The following HAL variants were observed in gnomAD, a reference collection of about 807,000 sequenced individuals.
The protein encoded by HAL is histidase.
A neutral mutation model predicts 81.1 loss-of-function variants in HAL; 85 were observed. The ratio of observed to expected loss-of-function variants is 1.05; its 90% CI spans 0.88 to 1.25. The LOEUF (loss-of-function observed/expected upper bound fraction) is 1.25. Ranked by LOEUF, HAL falls within the 50% of genes most tolerant of loss-of-function variation. The probability of loss-of-function intolerance (pLI) is 0.00; values close to 1 mark genes in which losing one functional copy is unlikely to be tolerated. For synonymous variants in HAL, 301 were observed against 309.2 expected (o/e 0.97, Z 0.28); for missense variants, 798 against 836.6 (o/e 0.95, Z 0.57).
Position 95,992,803 on chromosome 12 carries a change from C to CACCT in HAL, c.590-2_591dup (p.Val198ArgfsTer9). The CACCT allele has an allele frequency of 6.2e-7, 1 of 1,612,914 alleles. No homozygotes were observed. Among genetic ancestry groups the CACCT allele is most frequent in the Non-Finnish European group, 8.5e-7 (1 of 1,178,978 alleles). The stretch of plus-strand genomic sequence containing the variant: ...CTCTCAGGACTTAGTGGTTTCCCAA[C>CACCT]ACCTGCAAAACAGAATTGATGTTTT... On this transcript the variant is annotated frameshift_variant and splice_region_variant, in exon 9 of 21. Transcript: ENST00000261208. LOFTEE classifies it high-confidence loss of function.
At chr12:95,986,751 TC>T (rs1453289388) in intron 12 of HAL, among the ~76,000 whole-genome samples, 1 of 152,044 alleles carries the variant, frequency 6.6e-6, no homozygotes, top group African/African-American at 2.4e-5. Context: ...CTAATCCTAC[TC>T]CTTTTTACAG....
Position 95,972,823 on chromosome 12 carries a change from C to G in HAL, c.*1409G>C, listed in dbSNP as rs141219113. On this transcript the variant is annotated 3_prime_UTR_variant, in exon 21 of 21. Coordinates refer to ENST00000261208, the MANE Select transcript of HAL (RefSeq NM_002108.4). ...GAATCCAGCATTCCCCAAACTGGAG[C>G]GAAGAGCACCATGAGACCACTGGGG... The G allele has an allele frequency of 6.6e-6, 1 of 152,172 alleles. No individual in the cohort carries two copies. The highest frequency in any genetic ancestry group is 1.5e-5 in the Non-Finnish European group (1 of 68,026). 9.4% of individuals were successfully genotyped at this position (152,172 alleles called of 1,614,324 possible).
At chr12:95,991,244 C>T (rs1170524474) in intron 9 of HAL, among the ~76,000 whole-genome samples, 1 of 145,982 alleles carries the variant, frequency 6.9e-6, no homozygotes, top group Admixed American at 6.7e-5. Flanking sequence ...CAGGAACTAG[C>T]TGTTTTTTTT....
intron 10 of HAL, 91 bp from the exon 11 acceptor site, chr12:95,988,331 G>C (rs1222352404): frequency 1.3e-6 from 1 of 767,776 alleles, no homozygotes; most frequent in African/African-American, 1.7e-5. Flanking sequence ...AGCTCTTTAT[G>C]CCCAAAAGTC....
intron 15 of HAL, among the ~76,000 whole-genome samples, chr12:95,983,175 G>T (rs576427113): frequency 2.0e-5 from 3 of 152,168 alleles, no homozygotes; most frequent in Non-Finnish European, 4.4e-5. Context: ...ATCACTTGAG[G>T]TCAGGAGTTT....
At chr12:95,991,870 T>G (rs1949974676) in intron 9 of HAL, among the ~76,000 whole-genome samples, 1 of 152,210 alleles carries the variant, frequency 6.6e-6, no homozygotes, top group Admixed American at 6.5e-5. Flanking sequence ...GTATATACAA[T>G]AGACTGCTCA....
At chr12:95,981,993 A>C (rs566662484) in intron 15 of HAL, among the ~76,000 whole-genome samples, 1 of 152,334 alleles carries the variant, frequency 6.6e-6, no homozygotes, top group East Asian at 1.9e-4. Context: ...TCTGTTCTGC[A>C]TGTGTAACTG....
rs199973536 is a variant in HAL, at chr12:95,995,024, A to G, written c.248-31T>C. Reference sequence around the variant, plus strand: ...ACAATGCACGGGAGACTCGTTACAGATCACATTGTACAGCCATGTTCCCCC... The same window carrying G: ...ACAATGCACGGGAGACTCGTTACAGGTCACATTGTACAGCCATGTTCCCCC... On this transcript the variant is annotated intron_variant, in intron 2 of 20. Transcript: ENST00000261208. The G allele has an allele frequency of 2.9e-3, 4,389 of 1,514,764 alleles. 26 individuals are homozygous for G. Among genetic ancestry groups the G allele is most frequent in the South Asian group, 0.014 (1,230 of 89,026 alleles). 93.8% of individuals were successfully genotyped at this position (1,514,764 alleles called of 1,614,324 possible).
chr12:95,986,940 A>T, intron 12 of HAL, 127 bp downstream of exon 12: 1 of 807,154 alleles, frequency 1.2e-6, no homozygotes, highest in Non-Finnish European at 2.2e-6. Flanking sequence ...TGGGTACGCC[A>T]CAGGCACTTG....
chr12:95,986,384 C>T (rs995322091), intron 12 of HAL, among the ~76,000 whole-genome samples: 23 of 152,126 alleles, frequency 1.5e-4, no homozygotes, highest in Non-Finnish European at 2.6e-4. Context: ...GGACCATCTA[C>T]GGTGCTGACA....
intron 17 of HAL, among the ~76,000 whole-genome samples, chr12:95,978,307 T>C (rs2080749038): frequency 6.6e-6 from 1 of 151,868 alleles, no homozygotes; most frequent in Non-Finnish European, 1.5e-5. Flanking sequence ...AAGACGGAGA[T>C]GGGAGAACTG....
chr12:95,995,285 T>C, intron 2 of HAL: 1 of 570,436 alleles, frequency 1.8e-6, no homozygotes, highest in South Asian at 2.0e-5. Flanking sequence ...GATGCTATGC[T>C]GCCGGCCTCC....
At chr12:95,981,522 C>T (rs1372890003) in intron 15 of HAL, among the ~76,000 whole-genome samples, 1 of 152,134 alleles carries the variant, frequency 6.6e-6, no homozygotes, top group African/African-American at 2.4e-5. Context: ...GCAGGGGCGC[C>T]ATCTCGGCTC....
Position 95,992,786 on chromosome 12 carries a change from A to T in HAL, c.609T>A (p.Ser203Arg). The T allele has an allele frequency of 6.2e-7, 1 of 1,613,142 alleles. No homozygotes were observed. Among genetic ancestry groups the T allele is most frequent in the Non-Finnish European group, 8.5e-7 (1 of 1,179,134 alleles). Reference protein sequence around the residue: ...SHSSGVGKPLSPERCRMLLAL... With the variant: ...SHSSGVGKPLRPERCRMLLAL... ...CCAAGAGCATCCGACACCTCTCAGGACTTAGTGGTTTCCCAACACCTGCAA... is the reference window on the plus strand; with the variant it reads ...CCAAGAGCATCCGACACCTCTCAGGTCTTAGTGGTTTCCCAACACCTGCAA... The change falls in exon 9 of 21, where the codon AGT becomes AGA. Residue 203 changes from serine to arginine, a missense_variant. Ser to Arg is a moderately radical substitution (Grantham distance 110). Coordinates refer to ENST00000261208, the MANE Select transcript of HAL (RefSeq NM_002108.4).
At chr12:95,982,379 G>C (rs1351076297) in intron 15 of HAL, among the ~76,000 whole-genome samples, 1 of 152,242 alleles carries the variant, frequency 6.6e-6, no homozygotes, top group African/African-American at 2.4e-5. Context: ...AGAATTTAGT[G>C]AGGAATTAAT....
Position 95,995,948 on chromosome 12 carries a change from G to T in HAL, c.-38C>A. ...GCCTGAGGTCCTCAGCTGGTCACAG[G>T]AGGGGAGAGCTTTATGCAGGAGTGG... is the stretch of plus-strand genomic sequence containing the variant. On this transcript the variant is annotated 5_prime_UTR_variant, in exon 2 of 21. Transcript: ENST00000261208. 1 of 1,598,630 alleles carries T rather than the reference G, an allele frequency of 6.3e-7. No homozygotes were observed.
At chr12:95,987,301 G>A (rs2136814428) in intron 11 of HAL, 87 bp from the exon 12 acceptor site, 2 of 1,116,070 alleles carry the variant, frequency 1.8e-6, no homozygotes, top group Non-Finnish European at 2.8e-6. Context: ...GCTTTCATAA[G>A]AGAAAAATTA....
rs752472199 is a variant in HAL at position 95,978,064 on chromosome 12, C to G, written c.1534G>C (p.Ala512Pro). Residue 512 changes from alanine (A) to proline (P), a missense_variant, in exon 18 of 21, where the codon GCT becomes CCT. Transcript: ENST00000261208. ...TAAALVSENK[A>P]LCHPSSVDSL... The stretch of plus-strand genomic sequence containing the variant: ...TCAACAGACGAGGGATGGCACAGAG[C>G]CTTGTTCTCAGAAACTGCAAGAGAC... 5.0e-5 allele frequency: 80 copies of G among 1,613,748 alleles called. No individual in the cohort carries two copies. The South Asian group carries it at 6.7e-4, about 14-fold the overall frequency.
intron 17 of HAL, among the ~76,000 whole-genome samples, 191 bp downstream of exon 17, chr12:95,980,365 A>G (rs1483000620): frequency 1.3e-5 from 2 of 152,212 alleles, no homozygotes; most frequent in Non-Finnish European, 2.9e-5. Context: ...ACAGTATCGA[A>G]GTTTTTAAAC....
Sources: allele counts gnomAD v4.1 joint callset (sites outside exome capture counted in the v4.1 genomes callset), GRCh38; gene constraint gnomAD v4.1.1; transcripts MANE v1.5; gene names NCBI Gene and HGNC (gene_info 2026-07-23, HGNC 2026-07-21).